PPARG: variants seen among roughly 807,000 people sequenced by gnomAD.
PPARG encodes the protein peroxisome proliferator activated receptor gamma.
Under a neutral mutation model 39.2 loss-of-function variants are expected in PPARG, and 17 were observed. That is an observed-to-expected ratio of 0.43 (90% CI 0.30 to 0.65). The LOEUF is 0.65. Among genes scored for constraint, PPARG ranks in the 30% least tolerant of loss-of-function variants. PPARG has a pLI of 0.13. For missense variants in PPARG, 406 were observed against 585.9 expected (o/e 0.69, Z 3.17); for synonymous variants, 223 against 215.7 (o/e 1.03, Z -0.30).
At chr3:12,349,879 G>T (rs376160439) in intron 2 of PPARG, among the ~76,000 whole-genome samples, 1 of 152,146 alleles carries the variant, frequency 6.6e-6, no homozygotes, top group Non-Finnish European at 1.5e-5. Flanking sequence ...GGCTTAGAAG[G>T]CCTCACTACC....
rs2124996372 is a variant in PPARG, at chr3:12,312,364, C to CTT, written c.-82-11_-82-10dup. Reference sequence around the variant, plus strand: ...TGTGTGTATATTGAAAATCTTGTCTCTTTTTTATTGTTAAGATTTGAAAGA... The same window carrying CTT: ...TGTGTGTATATTGAAAATCTTGTCTCTTTTTTTTATTGTTAAGATTTGAAAGA... On this transcript the variant is annotated splice_polypyrimidine_tract_variant and intron_variant, in intron 1 of 7. Coordinates refer to ENST00000651735, the MANE Select transcript of PPARG (RefSeq NM_138711.6). 1 of 152,300 alleles carries CTT rather than the reference C, an allele frequency of 6.6e-6. No individual in the cohort carries two copies. The highest frequency in any genetic ancestry group is 1.5e-5 in the Non-Finnish European group (1 of 68,016). 9.4% of individuals were successfully genotyped at this position (152,300 alleles called of 1,614,324 possible). A position where few individuals can be genotyped will look rare whatever the true frequency, so the allele number is the denominator to read the frequency against.
chr3:12,428,771 A>G (rs2051548255), intron 7 of PPARG, among the ~76,000 whole-genome samples: 1 of 152,220 alleles, frequency 6.6e-6, no homozygotes. Context: ...TAAAGACCAA[A>G]GGAAGCGTTC....
chr3:12,386,528 T>C (rs986261808), intron 4 of PPARG, among the ~76,000 whole-genome samples: 5 of 152,104 alleles, frequency 3.3e-5, no homozygotes, highest in South Asian at 2.1e-4. Context: ...CTCTTTTTTT[T>C]TTTTTGAACA....
At chr3:12,383,169 T>A (rs989602850) in intron 4 of PPARG, among the ~76,000 whole-genome samples, 7 of 152,138 alleles carry the variant, frequency 4.6e-5, no homozygotes, top group African/African-American at 1.7e-4. Context: ...AGGCCCCCCA[T>A]ATGTAAAATG....
At chr3:12,323,802 G>A (rs556039712) in intron 2 of PPARG, among the ~76,000 whole-genome samples, 180 of 152,064 alleles carry the variant, frequency 1.2e-3, no homozygotes, top group African/African-American at 4.1e-3. Flanking sequence ...TCAAGGAGAA[G>A]ATCATTGTTT....
chr3:12,305,377 G>A (rs1327294901), intron 1 of PPARG, among the ~76,000 whole-genome samples: 1 of 152,178 alleles, frequency 6.6e-6, no homozygotes, highest in African/African-American at 2.4e-5. Flanking sequence ...AATGGATTTT[G>A]ATTGATTTTT....
At chr3:12,377,046 G>A (rs1180057088) in intron 2 of PPARG, among the ~76,000 whole-genome samples, 1 of 152,030 alleles carries the variant, frequency 6.6e-6, no homozygotes, top group African/African-American at 2.4e-5. Flanking sequence ...ACTGGTGTCA[G>A]GTAAACAGAG....
rs373648410 is a variant in PPARG at position 12,434,160 on chromosome 3, C to T, written c.*15C>T. 21 of 1,614,028 alleles carry T rather than the reference C, an allele frequency of 1.3e-5. No homozygotes were observed. Among genetic ancestry groups the T allele is most frequent in the East Asian group, 2.2e-5 (1 of 44,902 alleles). On this transcript the variant is annotated 3_prime_UTR_variant, in exon 8 of 8. Transcript: ENST00000651735. The surrounding 1 kb of genome is among the most constrained non-coding windows in gnomAD (Gnocchi z 4.2). Reference sequence around the variant, plus strand: ...ACTTGTACTAGCAGAGAGTCCTGAGCCACTGCCAACATTTCCCTTCTTCCA... The same window carrying T: ...ACTTGTACTAGCAGAGAGTCCTGAGTCACTGCCAACATTTCCCTTCTTCCA...
At chr3:12,356,566 A>G (rs1351661366) in intron 2 of PPARG, among the ~76,000 whole-genome samples, 1 of 152,158 alleles carries the variant, frequency 6.6e-6, no homozygotes, top group Non-Finnish European at 1.5e-5. Flanking sequence ...CTTTTAGCTG[A>G]CCTTCTAAAT....
chr3:12,385,459 T>C (rs906132567), intron 4 of PPARG, among the ~76,000 whole-genome samples: 1 of 152,192 alleles, frequency 6.6e-6, no homozygotes, highest in South Asian at 2.1e-4. Context: ...TGCAAACTTA[T>C]GTAAAATAAA....
intron 2 of PPARG, chr3:12,344,914 C>T (rs948934094): frequency 2.6e-5 from 4 of 152,154 alleles, no homozygotes; most frequent in African/African-American, 9.7e-5. Context: ...ACTCTTTGTT[C>T]ATTTTGAATA....
At chr3:12,429,924 G>T (rs996166442) in intron 7 of PPARG, among the ~76,000 whole-genome samples, 3 of 152,174 alleles carry the variant, frequency 2.0e-5, no homozygotes, top group African/African-American at 7.2e-5. Flanking sequence ...TTTGCTGATG[G>T]TTCCAAAATT....
intron 1 of PPARG, among the ~76,000 whole-genome samples, chr3:12,308,462 G>C (rs1006918892): frequency 6.6e-6 from 1 of 151,868 alleles, no homozygotes; most frequent in East Asian, 1.9e-4. Context: ...CAGAGACCGT[G>C]GTGTGCTGGA....
At chr3:12,421,538 G>A (rs566065907) in intron 7 of PPARG, among the ~76,000 whole-genome samples, 2 of 152,268 alleles carry the variant, frequency 1.3e-5, no homozygotes, top group East Asian at 3.9e-4. Context: ...AGTGTTTGCT[G>A]TTTTGTGAAG....
chr3:12,361,315 C>A (rs777322661), intron 2 of PPARG, among the ~76,000 whole-genome samples: 4 of 152,128 alleles, frequency 2.6e-5, no homozygotes, highest in Non-Finnish European at 5.9e-5. Flanking sequence ...TCCTCTTACT[C>A]TGTGTGCTTT....
At chr3:12,417,888 C>CTTTTTTTTTTTTTTTTTT (rs1240237792) in intron 7 of PPARG, among the ~76,000 whole-genome samples, 45 of 64,022 alleles carry the variant, frequency 7.0e-4, no homozygotes, top group South Asian at 1.3e-3. Flanking sequence ...TTTTTTTTTT[C>CTTTTTTTTTTTTTTTTTT]TTTTTTTTTT....
chr3:12,399,916 G>C (rs2050410555), intron 5 of PPARG, among the ~76,000 whole-genome samples: 1 of 150,070 alleles, frequency 6.7e-6, no homozygotes, highest in Non-Finnish European at 1.5e-5. Context: ...CTTGAGCCCA[G>C]AAGGTTGCAG....
chr3:12,298,814 C>T (rs1051038713), intron 1 of PPARG, among the ~76,000 whole-genome samples: 7 of 151,812 alleles, frequency 4.6e-5, no homozygotes, highest in African/African-American at 7.3e-5. Flanking sequence ...GAGACTGATG[C>T]GTTTTATTTT....
At chr3:12,408,954 G>A (rs973159898) in intron 6 of PPARG, among the ~76,000 whole-genome samples, 4 of 152,044 alleles carry the variant, frequency 2.6e-5, no homozygotes, top group Non-Finnish European at 4.4e-5. Context: ...TTGACTCCTT[G>A]GCTCTAAATC....
Sources: allele counts gnomAD v4.1 joint callset (sites outside exome capture counted in the v4.1 genomes callset), GRCh38; gene constraint gnomAD v4.1.1; non-coding constraint Gnocchi (gnomAD v3.1); transcripts MANE v1.5; gene names NCBI Gene and HGNC (gene_info 2026-07-23, HGNC 2026-07-21).